Variants in ROBO2 observed in about 807,000 individuals in gnomAD.
ROBO2 encodes the protein roundabout homolog 2.
In ROBO2, 53 loss-of-function variants were observed where a neutral mutation model predicts 160.8. The ratio of observed to expected loss-of-function variants is 0.33; its 90% CI spans 0.26 to 0.41. ROBO2 has a LOEUF of 0.41. ROBO2 is among the 10% of genes least tolerant of loss of function. ROBO2 has a pLI of 1.00. For missense variants in ROBO2, 1,577 were observed against 1,722.4 expected, an observed-to-expected ratio of 0.92 and a Z score of 1.49; for synonymous variants, 664 against 611.7, an observed-to-expected ratio of 1.09 and a Z score of -1.26.
chr3:77,178,303 A>G (rs1184365540), intron 2 of ROBO2, among the ~76,000 whole-genome samples: 1 of 152,016 alleles, frequency 6.6e-6, no homozygotes. Context: ...TTTCCAATGC[A>G]CAAAGATACA....
intron 2 of ROBO2, among the ~76,000 whole-genome samples, chr3:77,336,096 G>GATAGGATAATCAATGGGCAGAAAT (rs1560564412): frequency 2.0e-5 from 3 of 152,184 alleles, no homozygotes; most frequent in Non-Finnish European, 2.9e-5. Flanking sequence ...TGGCTTTGGA[G>GATAGGATAATCAATGGGCAGAAAT]ATAGGATAAT....
At chr3:77,040,971 C>T in intron 1 of ROBO2, 125 bp downstream of exon 1, 1 of 1,259,820 alleles carries the variant, frequency 7.9e-7, no homozygotes, top group Non-Finnish European at 1.1e-6. Flanking sequence ...CCGTTTTGGC[C>T]CGGCACGGGC....
At chr3:76,248,868 C>T (rs7648399) in intron 2 of ROBO2, among the ~76,000 whole-genome samples, 48,635 of 151,346 alleles carry the variant, frequency 0.32, 8,388 homozygotes, top group Non-Finnish European at 0.4. Flanking sequence ...AAAGTCTAGC[C>T]TGCTTACCTG....
chr3:76,341,884 G>T (rs1293841968), intron 2 of ROBO2, among the ~76,000 whole-genome samples: 2 of 152,108 alleles, frequency 1.3e-5, no homozygotes, highest in Admixed American at 1.3e-4. Context: ...CACTATGGTG[G>T]AGACTTCTAG....
intron 2 of ROBO2, among the ~76,000 whole-genome samples, chr3:76,125,034 T>A (rs1477468689): frequency 6.6e-6 from 1 of 152,098 alleles, no homozygotes; most frequent in Admixed American, 6.5e-5. Flanking sequence ...TGTCTGTTAT[T>A]CTTGTGTTTA....
chr3:75,932,048 G>A (rs1486663885), intron 1 of ROBO2, among the ~76,000 whole-genome samples: 1 of 152,104 alleles, frequency 6.6e-6, no homozygotes, highest in Non-Finnish European at 1.5e-5. Context: ...TGAGATATGG[G>A]CCAGGGTATA....
At chr3:77,562,998 C>A (rs1360766196) in intron 10 of ROBO2, among the ~76,000 whole-genome samples, 169 bp from the exon 12 acceptor site, 1 of 152,060 alleles carries the variant, frequency 6.6e-6, no homozygotes, top group Non-Finnish European at 1.5e-5. Context: ...ACACAGCTTA[C>A]TTTTATTAAC....
rs146427167 is a variant in ROBO2, at chr3:77,099,487, C to A, written c.388+1147C>A. On this transcript the variant is annotated intron_variant, in intron 2 of 25. Transcript: ENST00000461745. ...ATATTTTTTATTTTTTGTGAAGTGC[C>A]TTGAGCTATGAGCAGTAGGACTTTA... Among the ~76,000 whole-genome samples the A allele has an allele frequency of 6.9e-3, 1,050 of 152,108 alleles. 8 individuals carry two copies. The highest frequency in any genetic ancestry group is 8.5e-3 in the Non-Finnish European group (575 of 68,004).
intron 2 of ROBO2, among the ~76,000 whole-genome samples, chr3:77,148,379 T>G (rs1290612692): frequency 9.9e-5 from 15 of 152,244 alleles, no homozygotes; most frequent in Admixed American, 9.8e-4. Context: ...GGAAGCCCAG[T>G]TATTGGTAGG....
intron 2 of ROBO2, among the ~76,000 whole-genome samples, chr3:77,193,346 T>C (rs1022061363): frequency 3.3e-5 from 5 of 151,944 alleles, no homozygotes; most frequent in African/African-American, 9.7e-5. Flanking sequence ...AGTGGCTCTA[T>C]CATAGCTCAC....
chr3:77,341,921 GAGAA>G (rs1189165855), intron 2 of ROBO2, among the ~76,000 whole-genome samples: 1 of 151,972 alleles, frequency 6.6e-6, no homozygotes, highest in Admixed American at 6.6e-5. Context: ...TTTGTAGTTT[GAGAA>G]AGAAAGAAAT....
chr3:76,887,279 A>AT, intron 2 of ROBO2, among the ~76,000 whole-genome samples: 2 of 135,826 alleles, frequency 1.5e-5, no homozygotes, highest in Non-Finnish European at 3.0e-5. Flanking sequence ...AAAATTAGCC[A>AT]TGTCATTTTA....
At chr3:77,229,063 TA>T (rs1322561679) in intron 2 of ROBO2, among the ~76,000 whole-genome samples, 2 of 152,214 alleles carry the variant, frequency 1.3e-5, no homozygotes, top group Non-Finnish European at 2.9e-5. Context: ...TTTTCATATT[TA>T]AGAACTGCTT....
At chr3:76,503,049 G>A (rs1377286034) in intron 2 of ROBO2, among the ~76,000 whole-genome samples, 6 of 151,744 alleles carry the variant, frequency 4.0e-5, no homozygotes, top group Admixed American at 3.3e-4. Flanking sequence ...TGTGCAAAGG[G>A]GAGTTATTAA....
intron 2 of ROBO2, among the ~76,000 whole-genome samples, chr3:76,937,408 G>A (rs563621472): frequency 2.0e-5 from 3 of 151,846 alleles, no homozygotes; most frequent in Non-Finnish European, 4.4e-5. Context: ...TATCCTTCTA[G>A]TTATTTACCC....
At chr3:77,029,850 T>A (rs1427903698) in intron 2 of ROBO2, among the ~76,000 whole-genome samples, 1 of 152,196 alleles carries the variant, frequency 6.6e-6, no homozygotes, top group Non-Finnish European at 1.5e-5. Flanking sequence ...TATACATTTT[T>A]AAAGACTACT....
intron 2 of ROBO2, among the ~76,000 whole-genome samples, chr3:76,951,959 T>C (rs1341656839): frequency 6.6e-6 from 1 of 152,208 alleles, no homozygotes; most frequent in Non-Finnish European, 1.5e-5. Flanking sequence ...TTCCCCAGCT[T>C]TGTCTTGCAA....
intron 7 of ROBO2, among the ~76,000 whole-genome samples, chr3:77,550,520 G>T (rs949661897): frequency 1.3e-5 from 2 of 151,962 alleles, no homozygotes; most frequent in East Asian, 1.9e-4. Context: ...AAGCTTCAAA[G>T]ATATTAAGTA....
At chr3:77,068,650 G>T (rs2067104964) in intron 1 of ROBO2, among the ~76,000 whole-genome samples, 1 of 152,038 alleles carries the variant, frequency 6.6e-6, no homozygotes, top group Admixed American at 6.6e-5. Flanking sequence ...TTGTGAGAAA[G>T]AATGAATGGC....
Sources: gnomAD v4.1 joint callset for allele counts (sites outside exome capture counted in the v4.1 genomes callset) on GRCh38, gnomAD v4.1.1 for gene constraint, MANE v1.5 for transcripts, NCBI Gene and HGNC (gene_info 2026-07-23, HGNC 2026-07-21) for gene names.